The following SNX29 variants were observed in gnomAD, a reference collection of about 807,000 sequenced individuals.
SNX29 encodes sorting nexin-29.
SNX29 carries 78 observed loss-of-function variants against 102.1 expected under a neutral mutation model. The ratio of observed to expected loss-of-function variants is 0.76; its 90% CI spans 0.64 to 0.92. The LOEUF (loss-of-function observed/expected upper bound fraction) is 0.92, where lower values mean the gene tolerates loss of function less well. Ranked by LOEUF, SNX29 falls within the 40% of genes least tolerant of loss-of-function variation. The pLI is 0.00. For synonymous variants in SNX29, 580 were observed against 414.5 expected (o/e 1.40, Z -4.85); for missense variants, 1,280 against 1,061.7 (o/e 1.21, Z -2.86).
At chr16:12,012,154 T>C (rs1234670088) in intron 3 of SNX29, among the ~76,000 whole-genome samples, 1 of 152,156 alleles carries the variant, frequency 6.6e-6, no homozygotes, top group Non-Finnish European at 1.5e-5. Context: ...ATGTAAATTG[T>C]GGGCAATTAT....
At chr16:12,082,190 T>A (rs1270003363) in intron 11 of SNX29, among the ~76,000 whole-genome samples, 1 of 151,894 alleles carries the variant, frequency 6.6e-6, no homozygotes, top group Non-Finnish European at 1.5e-5. Flanking sequence ...GAACACTGCG[T>A]TTTGATTTAT....
chr16:12,360,653 C>A (rs2082275106), intron 16 of SNX29, among the ~76,000 whole-genome samples: 1 of 152,016 alleles, frequency 6.6e-6, no homozygotes, highest in Admixed American at 6.6e-5. Flanking sequence ...ATCCCCCCAC[C>A]CCCTACCGTA....
At chr16:12,312,499 G>A (rs2080590340) in intron 15 of SNX29, among the ~76,000 whole-genome samples, 1 of 152,170 alleles carries the variant, frequency 6.6e-6, no homozygotes. Flanking sequence ...AGATGAAAAT[G>A]AAGTGTCCCA....
rs570904785 is a variant in SNX29 at position 12,440,738 on chromosome 16, A to T, written c.2038-36981A>T. Among the ~76,000 whole-genome samples the T allele has an allele frequency of 9.2e-5, 14 of 151,918 alleles. 1 individual carries two copies. The South Asian group carries it at 2.9e-3, about 32-fold the overall frequency. ...TAGTTTGATAAGGATAATGGCCTCT[A>T]CCCCCATCCATGTCCCTGCAAAGGA... On this transcript the variant is annotated intron_variant, in intron 18 of 20. Transcript: ENST00000566228.
chr16:12,245,077 G>A (rs562773945), intron 14 of SNX29, among the ~76,000 whole-genome samples: 4 of 152,132 alleles, frequency 2.6e-5, no homozygotes, highest in South Asian at 4.2e-4. Context: ...TTGATTCCCC[G>A]CCCCCCTAAC....
At position 12,042,815 on chromosome 16, in the gene SNX29, TC is replaced by T. The variant is rs146027888; in HGVS notation, c.248-81del. The T allele has an allele frequency of 2.9e-3, 4,197 of 1,424,084 alleles. 86 individuals are homozygous for T. In the African/African-American group the frequency reaches 0.051, roughly 17 times the overall value. 88.2% of individuals were successfully genotyped at this position (1,424,084 alleles called of 1,614,324 possible). On this transcript the variant is annotated intron_variant, in intron 4 of 20. Transcript: ENST00000566228. ...GGATACTCTGTTACAATCTCCAACTTCGCCTAGAGGCTTTGTGTGTTCCTCT... is the reference window on the plus strand; with the variant it reads ...GGATACTCTGTTACAATCTCCAACTTGCCTAGAGGCTTTGTGTGTTCCTCT...
At chr16:12,200,569 G>T (rs751904591) in intron 14 of SNX29, among the ~76,000 whole-genome samples, 115 of 151,720 alleles carry the variant, frequency 7.6e-4, no homozygotes, top group Non-Finnish European at 1.4e-3. Flanking sequence ...TGCAACTTCC[G>T]CTTCCTGGGT....
rs547483568 is a variant in SNX29, at chr16:12,572,540, C to T, written c.*3911C>T. ...GTGCTCAAGCCCCCACAGGGGGCTG[C>T]GACACCATCTGGCTCCTCACAGGGA... On this transcript the variant is annotated 3_prime_UTR_variant, in exon 21 of 21. Transcript: ENST00000566228. 273 of 1,063,014 alleles carry T rather than the reference C, an allele frequency of 2.6e-4. 1 individual carries two copies. The highest frequency in any genetic ancestry group is 2.2e-3 in the African/African-American group (136 of 61,024). The allele number at this position is 1,063,014 out of a possible 1,614,324, so 65.8% of individuals were successfully genotyped here. A position where few individuals can be genotyped will look rare whatever the true frequency, so the allele number is the denominator to read the frequency against.
intron 18 of SNX29, among the ~76,000 whole-genome samples, chr16:12,406,534 C>T (rs79924485): frequency 0.03 from 4,583 of 152,312 alleles, 114 homozygotes; most frequent in South Asian, 0.061. Context: ...CTCAGGAGAG[C>T]GGTGCTCCCT....
At position 12,096,293 on chromosome 16, in the gene SNX29, C is replaced by T. The variant is rs986688804; in HGVS notation, c.1402+17378C>T. 5.9e-5 allele frequency among the ~76,000 whole-genome samples: 9 copies of T among 152,218 alleles called. No individual in the cohort carries two copies. Among genetic ancestry groups the T allele is most frequent in the African/African-American group, 1.9e-4 (8 of 41,458 alleles). On this transcript the variant is annotated intron_variant, in intron 11 of 20. Transcript: ENST00000566228. The surrounding 1 kb of genome is among the most constrained non-coding windows in gnomAD (Gnocchi z 4.2). ...AGGTTCCAGATGGCATTTAGACATGCCTCACTTCTTTATCATCTGTTTATT... is the reference window on the plus strand; with the variant it reads ...AGGTTCCAGATGGCATTTAGACATGTCTCACTTCTTTATCATCTGTTTATT...
intron 14 of SNX29, among the ~76,000 whole-genome samples, chr16:12,220,476 C>G (rs2077447980): frequency 6.6e-6 from 1 of 152,042 alleles, no homozygotes; most frequent in Non-Finnish European, 1.5e-5. Flanking sequence ...CTCTGCGTGA[C>G]CTGCTATGAG....
chr16:12,561,185 C>T (rs77617338), intron 20 of SNX29: 5,318 of 230,510 alleles, frequency 0.023, 287 homozygotes, highest in East Asian at 0.12. Flanking sequence ...CTGGCATGCT[C>T]TGATACTGCC....
At chr16:12,432,196 G>T (rs2085343262) in intron 18 of SNX29, among the ~76,000 whole-genome samples, 6 of 152,196 alleles carry the variant, frequency 3.9e-5, no homozygotes. Flanking sequence ...TAGTCCTTGG[G>T]CTTTTTGGCA....
intron 17 of SNX29, among the ~76,000 whole-genome samples, chr16:12,402,022 T>G (rs775174317): frequency 5.3e-5 from 8 of 152,238 alleles, no homozygotes; most frequent in South Asian, 2.1e-4. Flanking sequence ...TATTTCTGCC[T>G]TGTAGCCTGA....
intron 15 of SNX29, among the ~76,000 whole-genome samples, chr16:12,288,174 A>T (rs1054429449): frequency 6.6e-6 from 1 of 152,188 alleles, no homozygotes; most frequent in South Asian, 2.1e-4. Context: ...CAGAGGCGGG[A>T]CTCAGACACT....
At chr16:12,013,483 T>TGG (rs199497475) in intron 3 of SNX29, among the ~76,000 whole-genome samples, 3 of 19,284 alleles carry the variant, frequency 1.6e-4, no homozygotes, top group African/African-American at 4.2e-4. Context: ...CTGTCTCTAC[T>TGG]GGGGGAAAAA....
At chr16:12,551,328 GA>G (rs2077963538) in intron 20 of SNX29, among the ~76,000 whole-genome samples, 1 of 152,222 alleles carries the variant, frequency 6.6e-6, no homozygotes, top group African/African-American at 2.4e-5. Flanking sequence ...TAACCTCAGA[GA>G]TATGTGGAAT....
intron 20 of SNX29, among the ~76,000 whole-genome samples, chr16:12,544,894 G>C (rs1006665681): frequency 7.2e-5 from 11 of 152,188 alleles, no homozygotes; most frequent in African/African-American, 2.4e-4. Context: ...TGGTCAGTGG[G>C]CCAGTAATCA....
chr16:12,568,414 C>T (rs2079104461), intron 20 of SNX29, 92 bp from the exon 21 acceptor site: 21 of 1,525,870 alleles, frequency 1.4e-5, no homozygotes, highest in South Asian at 3.7e-5. Flanking sequence ...CAATCAGATC[C>T]CTCCTGCCCT....
Sources: gnomAD v4.1 joint callset for allele counts (sites outside exome capture counted in the v4.1 genomes callset) on GRCh38, gnomAD v4.1.1 for gene constraint, Gnocchi (gnomAD v3.1) non-coding constraint, MANE v1.5 for transcripts, NCBI Gene and HGNC (gene_info 2026-07-23, HGNC 2026-07-21) for gene names.